The following DSCAM variants were observed in gnomAD, a reference collection of about 807,000 sequenced individuals.
DSCAM encodes DS cell adhesion molecule, also known as cell adhesion molecule DSCAM.
In DSCAM, 47 loss-of-function variants were observed where a neutral mutation model predicts 217.7. The observed-to-expected ratio is 0.22, with a 90% confidence interval of 0.17 to 0.28. DSCAM has a LOEUF of 0.28. Among genes scored for constraint, DSCAM ranks in the 10% least tolerant of loss-of-function variants. The probability of loss-of-function intolerance (pLI) is 1.00; values close to 1 mark genes in which losing one functional copy is unlikely to be tolerated. For synonymous variants in DSCAM, 1,056 were observed against 1,015.3 expected, an observed-to-expected ratio of 1.04 and a Z score of -0.76; for missense variants, 2,080 against 2,618.3, an observed-to-expected ratio of 0.79 and a Z score of 4.49.
At chr21:40,467,956 A>G (rs2145961712) in intron 3 of DSCAM, among the ~76,000 whole-genome samples, 1 of 150,296 alleles carries the variant, frequency 6.7e-6, no homozygotes, top group East Asian at 2.0e-4. Flanking sequence ...AAAAAACTAC[A>G]TAGCTCCCTC....
chr21:40,441,156 C>G (rs986239103), intron 3 of DSCAM, among the ~76,000 whole-genome samples: 1 of 152,284 alleles, frequency 6.6e-6, no homozygotes, highest in Non-Finnish European at 1.5e-5. Context: ...TAGACCAGAT[C>G]TAGACCCTAG....
chr21:40,408,752 G>C (rs2075299179), intron 3 of DSCAM, among the ~76,000 whole-genome samples: 1 of 152,160 alleles, frequency 6.6e-6, no homozygotes, highest in Non-Finnish European at 1.5e-5. Context: ...CTGACACACA[G>C]CTGGAGTGAC....
chr21:40,284,436 A>G (rs920744255), intron 10 of DSCAM, among the ~76,000 whole-genome samples: 3 of 152,194 alleles, frequency 2.0e-5, no homozygotes, highest in Admixed American at 6.5e-5. Context: ...TCTGCCCTAA[A>G]TTGCAGGGCT....
intron 3 of DSCAM, among the ~76,000 whole-genome samples, chr21:40,522,254 C>T (rs1169696300): frequency 6.6e-6 from 1 of 152,182 alleles, no homozygotes; most frequent in East Asian, 1.9e-4. Flanking sequence ...TGGTGTTGTT[C>T]TCCTTAGGAG....
chr21:40,780,329 A>G (rs2091528043), intron 1 of DSCAM, among the ~76,000 whole-genome samples: 1 of 151,546 alleles, frequency 6.6e-6, no homozygotes, highest in Non-Finnish European at 1.5e-5. Context: ...AACTTTGTAA[A>G]GGTGACTTGG....
chr21:40,493,394 C>T (rs952766353), intron 3 of DSCAM, among the ~76,000 whole-genome samples: 2 of 152,076 alleles, frequency 1.3e-5, no homozygotes, highest in Non-Finnish European at 2.9e-5. Flanking sequence ...AGTTAAAACT[C>T]AGTCTAAGTA....
At chr21:40,517,070 CATAT>C (rs1200243894) in intron 3 of DSCAM, among the ~76,000 whole-genome samples, 2 of 146,378 alleles carry the variant, frequency 1.4e-5, no homozygotes, top group Non-Finnish European at 3.0e-5. Flanking sequence ...TATATATATA[CATAT>C]GTTACATATA....
At chr21:40,446,869 G>T (rs553016341) in intron 3 of DSCAM, among the ~76,000 whole-genome samples, 1 of 152,262 alleles carries the variant, frequency 6.6e-6, no homozygotes, top group South Asian at 2.1e-4. Flanking sequence ...GTCCTGTTGG[G>T]GAAATACTAA....
chr21:40,181,856 G>A (rs915537920), intron 14 of DSCAM, among the ~76,000 whole-genome samples: 2 of 151,988 alleles, frequency 1.3e-5, no homozygotes, highest in Admixed American at 6.6e-5. Context: ...TTGCAGCCTG[G>A]TTTAGGAAGA....
At chr21:40,827,861 A>G (rs2091982949) in intron 1 of DSCAM, among the ~76,000 whole-genome samples, 1 of 152,238 alleles carries the variant, frequency 6.6e-6, no homozygotes, top group African/African-American at 2.4e-5. Context: ...ACCTCACATC[A>G]AGCTGCAACA....
intron 4 of DSCAM, among the ~76,000 whole-genome samples, chr21:40,365,288 T>TGGAAA (rs2123687987): frequency 6.6e-6 from 1 of 152,272 alleles, no homozygotes; most frequent in East Asian, 1.9e-4. Flanking sequence ...CAGAGGAACA[T>TGGAAA]GGAAAGACTA....
chr21:40,805,137 G>A (rs2091774770), intron 1 of DSCAM, among the ~76,000 whole-genome samples: 1 of 152,136 alleles, frequency 6.6e-6, no homozygotes. Context: ...CCACCCTCCA[G>A]TCTGCTACTT....
chr21:40,467,478 C>T (rs2075854547), intron 3 of DSCAM, among the ~76,000 whole-genome samples: 1 of 152,114 alleles, frequency 6.6e-6, no homozygotes, highest in Non-Finnish European at 1.5e-5. Flanking sequence ...GAATATGTAG[C>T]TTTCTAAAAG....
intron 11 of DSCAM, among the ~76,000 whole-genome samples, chr21:40,242,290 C>T (rs2073164030): frequency 6.6e-6 from 1 of 152,124 alleles, no homozygotes; most frequent in Non-Finnish European, 1.5e-5. Context: ...TGAGTGCTGT[C>T]TGTCACATGT....
intron 1 of DSCAM, among the ~76,000 whole-genome samples, chr21:40,822,963 C>T (rs1417514886): frequency 6.6e-6 from 1 of 151,988 alleles, no homozygotes; most frequent in Non-Finnish European, 1.5e-5. Flanking sequence ...CAGCTTGACC[C>T]ACATGGCGAA....
chr21:40,078,901 C>T lies in DSCAM; in HGVS notation c.4497G>A (p.Trp1499Ter). 1.2e-6 allele frequency: 2 copies of T among 1,614,224 alleles called. No homozygotes were observed. Among genetic ancestry groups the T allele is most frequent in the Non-Finnish European group, 1.7e-6 (2 of 1,180,040 alleles). Residue 1499 changes from tryptophan to a stop codon, truncating the protein, a stop_gained, in exon 26 of 33, where the codon TGG (tryptophan) becomes TGA (stop). Transcript: ENST00000400454. LOFTEE classifies it high-confidence loss of function. The part of the protein sequence containing the change: ...TTRVRLNLIG[W>*]NDGGCPITSF... ...AGGTGATGGGGCAGCCGCCATCATT[C>T]CAGCCAATGAGGTTCAGCCTCACGC...
At chr21:40,307,779 T>C (rs1376230375) in intron 9 of DSCAM, among the ~76,000 whole-genome samples, 2 of 152,094 alleles carry the variant, frequency 1.3e-5, no homozygotes, top group Non-Finnish European at 2.9e-5. Context: ...TCATGTCCTT[T>C]GTAGGGACAT....
At chr21:40,780,423 G>GTGTGTGTGTGTATATATATATATATA (rs1007015659) in intron 1 of DSCAM, among the ~76,000 whole-genome samples, 17 of 56,432 alleles carry the variant, frequency 3.0e-4, no homozygotes, top group African/African-American at 1.2e-3. Flanking sequence ...GTGTGTGTGT[G>GTGTGTGTGTGTATATATATATATATA]TATATATATA....
chr21:40,071,398 T>A (rs969385951), intron 27 of DSCAM, among the ~76,000 whole-genome samples: 1 of 152,164 alleles, frequency 6.6e-6, no homozygotes, highest in African/African-American at 2.4e-5. Flanking sequence ...TAGAGTCCCA[T>A]TTTCTTTCTT....
Sources: gnomAD v4.1 joint callset for allele counts (sites outside exome capture counted in the v4.1 genomes callset) on GRCh38, gnomAD v4.1.1 for gene constraint, MANE v1.5 for transcripts, NCBI Gene and HGNC (gene_info 2026-07-23, HGNC 2026-07-21) for gene names.